PSMA1: variants seen among roughly 807,000 people sequenced by gnomAD.
PSMA1 encodes proteasome 20S subunit alpha 1.
PSMA1 carries 3 observed loss-of-function variants against 38.4 expected under a neutral mutation model. That is an observed-to-expected ratio of 0.08 (90% CI 0.04 to 0.20). The LOEUF (loss-of-function observed/expected upper bound fraction) is 0.20, where lower values mean the gene tolerates loss of function less well. Ranked by LOEUF, PSMA1 falls within the 10% of genes least tolerant of loss-of-function variation. PSMA1 has a pLI of 1.00. For synonymous variants in PSMA1, 101 were observed against 107.1 expected (o/e 0.94, Z 0.35); for missense variants, 227 against 325.3 (o/e 0.70, Z 2.32).
At chr11:14,521,126 A>G (rs1196663578), upstream of PSMA1, among the ~76,000 whole-genome samples, 1 of 29,114 alleles carries the variant, frequency 3.4e-5, no homozygotes, top group Non-Finnish European at 6.7e-5. Flanking sequence ...ATCTTTCCAT[A>G]ACGAAATAGT....
At chr11:14,620,974 A>T (rs1010345473) in intron 1 of PSMA1, among the ~76,000 whole-genome samples, 11 of 152,240 alleles carry the variant, frequency 7.2e-5, no homozygotes, top group African/African-American at 2.4e-4. Context: ...GTATTATACA[A>T]GAAAAAATAT....
At chr11:14,571,433 A>G (rs1251006252) in intron 2 of PSMA1, among the ~76,000 whole-genome samples, 2 of 152,192 alleles carry the variant, frequency 1.3e-5, no homozygotes, top group East Asian at 3.9e-4. Context: ...TCACAAGTGA[A>G]GGAGAAGTAA....
At chr11:14,556,550 A>ACATTTC (rs1368643368) in intron 2 of PSMA1, among the ~76,000 whole-genome samples, 1 of 152,142 alleles carries the variant, frequency 6.6e-6, no homozygotes, top group Non-Finnish European at 1.5e-5. Context: ...ATCTGAAAAC[A>ACATTTC]CATTTCCTTC....
chr11:14,594,739 T>C (rs979023794), intron 2 of PSMA1, among the ~76,000 whole-genome samples: 10 of 152,176 alleles, frequency 6.6e-5, no homozygotes, highest in Non-Finnish European at 1.3e-4. Flanking sequence ...GGTCTACTTA[T>C]GGGTTGAAAA....
chr11:14,590,287 T>C lies in PSMA1; in HGVS notation c.21+20679A>G, dbSNP rs115579032. Reference sequence around the variant, plus strand: ...GGTGGTGATGGCTTGCACCACAATGTGAATGTACTTTACTAACTGCACATT... The same window carrying C: ...GGTGGTGATGGCTTGCACCACAATGCGAATGTACTTTACTAACTGCACATT... On this transcript the variant is annotated intron_variant, in intron 2 of 10. Transcript: ENST00000418988. Among the ~76,000 whole-genome samples the C allele has an allele frequency of 4.9e-3, 746 of 152,358 alleles. 2 individuals carry two copies. The highest frequency in any genetic ancestry group is 0.017 in the African/African-American group (705 of 41,578).
chr11:14,640,196 A>G (rs1853181349), intron 1 of PSMA1, among the ~76,000 whole-genome samples: 1 of 152,200 alleles, frequency 6.6e-6, no homozygotes. Flanking sequence ...GTCGGGGGAA[A>G]GAGGAGAGAG....
At chr11:14,616,943 G>T (rs566353902) in intron 1 of PSMA1, among the ~76,000 whole-genome samples, 1 of 152,258 alleles carries the variant, frequency 6.6e-6, no homozygotes, top group South Asian at 2.1e-4. Flanking sequence ...AATGTCGTTT[G>T]TATCTATGAA....
Position 14,595,141 on chromosome 11 carries a change from A to C in PSMA1, c.21+15825T>G, listed in dbSNP as rs918379655. Among the ~76,000 whole-genome samples, 15 of 152,082 alleles carry C rather than the reference A, an allele frequency of 9.9e-5. No homozygotes were observed. The South Asian group carries it at 1.0e-3, about 10-fold the overall frequency. ...TGGTGTATATGTGCCACATTTTCTT[A>C]ATCCAGTCTATCATTGATGGACATT... On this transcript the variant is annotated intron_variant, in intron 2 of 10. Transcript: ENST00000418988.
At chr11:14,596,203 C>T (rs899207592) in intron 2 of PSMA1, among the ~76,000 whole-genome samples, 2 of 152,114 alleles carry the variant, frequency 1.3e-5, no homozygotes, top group Admixed American at 1.3e-4. Flanking sequence ...GTTCTTTTGG[C>T]TTAGGATTGT....
At chr11:14,605,065 T>C (rs546878234) in intron 2 of PSMA1, among the ~76,000 whole-genome samples, 1 of 152,354 alleles carries the variant, frequency 6.6e-6, no homozygotes, top group South Asian at 2.1e-4. Context: ...TTTGGATATA[T>C]ACCTAGTAAT....
At chr11:14,623,853 T>G (rs1852880880) in intron 1 of PSMA1, among the ~76,000 whole-genome samples, 1 of 152,124 alleles carries the variant, frequency 6.6e-6, no homozygotes, top group Non-Finnish European at 1.5e-5. Flanking sequence ...ATCAATGCTG[T>G]TATATCACTA....
At chr11:14,507,916 G>T in intron 8 of PSMA1, 150 bp from the exon 9 acceptor site, 4 of 563,658 alleles carry the variant, frequency 7.1e-6, no homozygotes, top group South Asian at 2.4e-5. Flanking sequence ...GAAAAAAGAA[G>T]GAAACTAGTG....
At chr11:14,607,942 T>C (rs532184480) in intron 2 of PSMA1, among the ~76,000 whole-genome samples, 1 of 152,260 alleles carries the variant, frequency 6.6e-6, no homozygotes, top group South Asian at 2.1e-4. Context: ...ATCAGTCCAT[T>C]ATGATCCTCA....
At chr11:14,518,937 T>C (rs1589980761) in intron 2 of PSMA1, 60 bp downstream of exon 2, 2 of 1,349,886 alleles carry the variant, frequency 1.5e-6, no homozygotes, top group Admixed American at 2.3e-5. Flanking sequence ...CACAAGTTTC[T>C]AAATATATTG....
At position 14,616,024 on chromosome 11, in the gene PSMA1, A is replaced by G. The variant is rs187770566; in HGVS notation, c.-165-4873T>C. The stretch of plus-strand genomic sequence containing the variant: ...AAAGAGCTGCCTGCCTGCCTTACCC[A>G]TGGAAATCAGAGGCATCAACCTCAA... On this transcript the variant is annotated intron_variant, in intron 1 of 10. Coordinates refer to the PSMA1 transcript ENST00000418988. Among the ~76,000 whole-genome samples, 42 of 152,254 alleles carry G rather than the reference A, an allele frequency of 2.8e-4. No individual in the cohort carries two copies. The East Asian group carries it at 4.6e-3, about 17-fold the overall frequency.
At chr11:14,614,130 C>T (rs1852741544) in intron 1 of PSMA1, among the ~76,000 whole-genome samples, 1 of 151,854 alleles carries the variant, frequency 6.6e-6, no homozygotes, top group Non-Finnish European at 1.5e-5. Context: ...TACAAAATAA[C>T]CAAGTGTTAA....
At chr11:14,605,809 G>A (rs761241770) in intron 2 of PSMA1, among the ~76,000 whole-genome samples, 1 of 152,074 alleles carries the variant, frequency 6.6e-6, no homozygotes, top group Non-Finnish European at 1.5e-5. Flanking sequence ...AAATATTCAC[G>A]TTTTCTCCCA....
At chr11:14,556,707 A>G (rs1248620526) in intron 2 of PSMA1, among the ~76,000 whole-genome samples, 1 of 152,108 alleles carries the variant, frequency 6.6e-6, no homozygotes, top group African/African-American at 2.4e-5. Flanking sequence ...TCTGTTATCC[A>G]TTTTGAGTTA....
intron 1 of PSMA1, among the ~76,000 whole-genome samples, chr11:14,630,987 T>C (rs1178955319): frequency 1.3e-5 from 2 of 152,248 alleles, no homozygotes; most frequent in Non-Finnish European, 2.9e-5. Flanking sequence ...AGGTAGTTTG[T>C]ATTTCTGTAG....
Sources: allele counts gnomAD v4.1 joint callset (sites outside exome capture counted in the v4.1 genomes callset), GRCh38; gene constraint gnomAD v4.1.1; transcripts MANE v1.5; gene names NCBI Gene and HGNC (gene_info 2026-07-23, HGNC 2026-07-21).